ZNF407: variants seen among roughly 807,000 people sequenced by gnomAD.
The protein encoded by ZNF407 is zinc finger protein 407.
ZNF407 carries 17 observed loss-of-function variants against 131.2 expected under a neutral mutation model. The observed-to-expected ratio is 0.13, with a 90% CI of 0.09 to 0.19. The LOEUF is 0.19. ZNF407 is among the 10% of genes least tolerant of loss of function. ZNF407 has a pLI of 1.00. For synonymous variants in ZNF407, 1,156 were observed against 1,062.0 expected (o/e 1.09, Z -1.72); for missense variants, 2,681 against 2,830.6 (o/e 0.95, Z 1.20).
At chr18:74,775,347 A>G (rs1969446450) in intron 3 of ZNF407, among the ~76,000 whole-genome samples, 1 of 152,190 alleles carries the variant, frequency 6.6e-6, no homozygotes, top group Non-Finnish European at 1.5e-5. Context: ...TAAGCTGGAT[A>G]CAATGTTTAG....
At chr18:74,943,894 T>C (rs1040940551) in intron 8 of ZNF407, among the ~76,000 whole-genome samples, 2 of 152,200 alleles carry the variant, frequency 1.3e-5, no homozygotes, top group South Asian at 2.1e-4. Flanking sequence ...ACTCTCGTTC[T>C]ACTGAACAGT....
chr18:74,702,556 T>A (rs1967524062), intron 3 of ZNF407, among the ~76,000 whole-genome samples: 1 of 152,110 alleles, frequency 6.6e-6, no homozygotes. Flanking sequence ...CATGTGGATA[T>A]TTTTGAAAAT....
intron 4 of ZNF407, among the ~76,000 whole-genome samples, chr18:74,874,485 G>A (rs1222384728): frequency 1.3e-5 from 2 of 152,288 alleles, no homozygotes; most frequent in Admixed American, 1.3e-4. Flanking sequence ...GGCTGGAGGG[G>A]CATCTCCTTG....
Position 74,634,396 on chromosome 18 carries a change from A to C in ZNF407, c.3377A>C (p.Asp1126Ala), listed in dbSNP as rs1052671108. The change falls in exon 2 of 9, where the codon GAT becomes GCT. Residue 1126 changes from aspartate to alanine, a missense_variant. Physicochemically the swap from Asp to Ala is moderately radical, Grantham distance 126. Transcript: ENST00000299687. ...SDTLKSRNAA[D>A]CSILNENTNL... The stretch of plus-strand genomic sequence containing the variant: ...ACTCTTAAATCTAGAAATGCTGCAG[A>C]TTGCTCTATTTTAAATGAGAATACT... 6.2e-7 allele frequency: 1 copy of C among 1,613,558 alleles called. No individual in the cohort carries two copies. The highest frequency in any genetic ancestry group is 8.5e-7 in the Non-Finnish European group (1 of 1,179,866).
chr18:74,999,427 A>G (rs1278175910), intron 8 of ZNF407, among the ~76,000 whole-genome samples: 1 of 151,922 alleles, frequency 6.6e-6, no homozygotes, highest in Admixed American at 6.6e-5. Context: ...TATTTATACA[A>G]ACTGTGATTC....
At chr18:74,795,782 G>C (rs1969907249) in intron 4 of ZNF407, among the ~76,000 whole-genome samples, 1 of 152,218 alleles carries the variant, frequency 6.6e-6, no homozygotes, top group African/African-American at 2.4e-5. Flanking sequence ...TTAAGTTTCT[G>C]TTGTAAATTC....
rs752202254 is a variant in ZNF407 at position 74,635,057 on chromosome 18, A to G, written c.4038A>G (p.Lys1346=). Residue 1346 remains lysine, a synonymous_variant, in exon 2 of 9, where the codon AAA becomes AAG. Transcript: ENST00000299687. This position sits in a 1 kb window ranked among gnomAD's most constrained non-coding sequence, Gnocchi z 4.7. The stretch of plus-strand genomic sequence containing the variant: ...AAACTATAATTAGTATTGATGATAA[A>G]GGGCAGGCCATGTACAGTTTTGGTC... The part of the protein sequence containing the change: ...VYETIISIDD[K]GQAMYSFGRF... The G allele has an allele frequency of 3.7e-6, 6 of 1,613,992 alleles. No homozygotes were observed. Among genetic ancestry groups the G allele is most frequent in the Non-Finnish European group, 2.5e-6 (3 of 1,179,900 alleles).
At chr18:74,945,892 C>T (rs1297058056) in intron 8 of ZNF407, among the ~76,000 whole-genome samples, 5 of 151,966 alleles carry the variant, frequency 3.3e-5, no homozygotes, top group Non-Finnish European at 7.4e-5. Flanking sequence ...GTGTCATAAC[C>T]TCAAAGCTGT....
At chr18:74,795,910 C>G (rs1444519482) in intron 4 of ZNF407, among the ~76,000 whole-genome samples, 1 of 152,242 alleles carries the variant, frequency 6.6e-6, no homozygotes, top group Admixed American at 6.5e-5. Flanking sequence ...AGTGAGAGTC[C>G]TCCACATGTG....
chr18:74,622,901 T>TGG (rs1983590226), intron 1 of ZNF407, among the ~76,000 whole-genome samples: 2 of 103,066 alleles, frequency 1.9e-5, no homozygotes, highest in Non-Finnish European at 4.1e-5. Flanking sequence ...TGCGTGTCTG[T>TGG]TTTAGTGTGT....
intron 3 of ZNF407, among the ~76,000 whole-genome samples, chr18:74,710,008 A>T (rs777472890): frequency 5.9e-5 from 9 of 152,222 alleles, no homozygotes; most frequent in Non-Finnish European, 1.0e-4. Flanking sequence ...TTGACCTGAA[A>T]AAAATGTCTG....
At position 74,634,606 on chromosome 18, in the gene ZNF407, G is replaced by T. The variant is rs529942039; in HGVS notation, c.3587G>T (p.Ser1196Ile). Residue 1196 changes from serine to isoleucine, a missense_variant, in exon 2 of 9, where the codon AGC becomes ATC. By Grantham distance (142) the Ser-to-Ile change is moderately radical. This residue lies in a region of ZNF407 where 1,789 missense variants were observed against 1,748.7 expected (regional missense o/e 1.02). Coordinates refer to ENST00000299687, the MANE Select transcript of ZNF407 (RefSeq NM_017757.3). ...ATGTCCTCAAACTATGGCTCCCCAA[G>T]CAGATTTCAAAATGAAAATTCAGGA... ...LTMSSNYGSP[S>I]RFQNENSGSS... 11 of 1,613,780 alleles carry T rather than the reference G, an allele frequency of 6.8e-6. No individual in the cohort carries two copies. The South Asian group carries it at 1.1e-4, about 16-fold the overall frequency.
rs370623013 is a variant in ZNF407, at chr18:74,734,142, G to A, written c.4803-47286G>A. ...ACAAGTCGTACGTGTTCGACGCTCC[G>A]TGAGGCAACTGGTTCCAGCAGTATG... is the stretch of plus-strand genomic sequence containing the variant. On this transcript the variant is annotated intron_variant, in intron 3 of 8. Transcript: ENST00000299687. 8.1e-4 allele frequency among the ~76,000 whole-genome samples: 123 copies of A among 152,226 alleles called. 2 individuals carry two copies. In the South Asian group the frequency reaches 0.019, roughly 24 times the overall value.
chr18:74,765,052 C>G (rs1230451539), intron 3 of ZNF407, among the ~76,000 whole-genome samples: 1 of 151,910 alleles, frequency 6.6e-6, no homozygotes, highest in African/African-American at 2.4e-5. Flanking sequence ...CACACAGTTC[C>G]AATTCTTGTT....
chr18:74,961,535 A>G (rs1047768270), intron 8 of ZNF407, among the ~76,000 whole-genome samples: 2 of 152,160 alleles, frequency 1.3e-5, no homozygotes, highest in Non-Finnish European at 2.9e-5. Flanking sequence ...CCTGGGCAAC[A>G]TGATGAAACC....
chr18:74,887,275 A>G (rs551582382), intron 6 of ZNF407, among the ~76,000 whole-genome samples: 12 of 152,140 alleles, frequency 7.9e-5, no homozygotes, highest in African/African-American at 1.7e-4. Flanking sequence ...TGAGTTGTCT[A>G]TAGCAATTTA....
In ZNF407 at chr18:74,815,627, A is replaced by G. The variant is rs550045014; in HGVS notation, c.4877+34125A>G. ...AATACTAATCAAAAAATTGTTGAAT[A>G]CCATTGATTTTCCATTATTATTGTT... On this transcript the variant is annotated intron_variant, in intron 4 of 8. Transcript: ENST00000299687. Among the ~76,000 whole-genome samples, 4 of 152,314 alleles carry G rather than the reference A, an allele frequency of 2.6e-5. No homozygotes were observed. In the East Asian group the frequency reaches 5.8e-4, roughly 22 times the overall value.
chr18:74,877,511 G>T (rs892490842), intron 5 of ZNF407, 148 bp downstream of exon 5: 2 of 808,384 alleles, frequency 2.5e-6, no homozygotes, highest in East Asian at 2.6e-5. Flanking sequence ...GTATTTATAG[G>T]TATGGTATCA....
intron 4 of ZNF407, among the ~76,000 whole-genome samples, chr18:74,797,111 C>CT (rs1308023897): frequency 2.0e-5 from 3 of 152,096 alleles, no homozygotes; most frequent in African/African-American, 2.4e-5. Context: ...TGTCAGGAGG[C>CT]TTTTTTATCA....
Sources: allele counts gnomAD v4.1 joint callset (sites outside exome capture counted in the v4.1 genomes callset), GRCh38; gene constraint gnomAD v4.1.1; regional missense constraint gnomAD v4.1.1; non-coding constraint Gnocchi (gnomAD v3.1); transcripts MANE v1.5; gene names NCBI Gene and HGNC (gene_info 2026-07-23, HGNC 2026-07-21).